COL28A1: variants seen among roughly 807,000 people sequenced by gnomAD.
COL28A1 encodes the protein collagen type XXVIII alpha 1 chain, also known as collagen alpha-1(XXVIII) chain.
A neutral mutation model predicts 150.2 loss-of-function variants in COL28A1; 161 were observed. That is an observed-to-expected ratio of 1.07 (90% CI 0.94 to 1.22). The LOEUF is 1.22. Ranked by LOEUF, COL28A1 falls within the 50% of genes most tolerant of loss-of-function variation. The pLI is 0.00. For synonymous variants in COL28A1, 552 were observed against 469.7 expected, an observed-to-expected ratio of 1.18 and a Z score of -2.26; for missense variants, 1,617 against 1,388.3, an observed-to-expected ratio of 1.16 and a Z score of -2.62.
At chr7:7,488,743 T>C (rs1470210593) in intron 13 of COL28A1, among the ~76,000 whole-genome samples, 1 of 152,194 alleles carries the variant, frequency 6.6e-6, no homozygotes, top group Non-Finnish European at 1.5e-5. Context: ...TTATTCTCAG[T>C]GATTTTTCTC....
chr7:7,419,902 CT>C lies in COL28A1; in HGVS notation c.2049del (p.Gly684GlufsTer88). 6.2e-7 allele frequency: 1 copy of C among 1,600,590 alleles called. No homozygotes were observed. Among genetic ancestry groups the C allele is most frequent in the South Asian group, 1.1e-5 (1 of 88,688 alleles). On this transcript the variant is annotated frameshift_variant, in exon 26 of 35. Transcript: ENST00000399429. LOFTEE classifies it high-confidence loss of function. ...GGACTCACCTTTGGCCCTTGGGTTC[CT>C]ACGCCCCGAGGCCCAGAAGGACCTG... Reference protein sequence around the residue: ...GPPGPSGPRGVGTQGPKGDTG... With the variant: ...GPPGPSGPRGXGTQGPKGDTG...
chr7:7,447,446 TA>T, intron 18 of COL28A1, among the ~76,000 whole-genome samples: 1 of 151,414 alleles, frequency 6.6e-6, no homozygotes, highest in Admixed American at 6.6e-5. Context: ...ATATTTAATT[TA>T]AAAATAAAAA....
chr7:7,478,217 A>C (rs1789085311), intron 13 of COL28A1, among the ~76,000 whole-genome samples: 1 of 152,156 alleles, frequency 6.6e-6, no homozygotes, highest in Non-Finnish European at 1.5e-5. Context: ...GTGTGTTTAC[A>C]AACCTTGAGC....
Position 7,444,505 on chromosome 7 carries a change from A to G in COL28A1, c.1510-16T>C. The G allele has an allele frequency of 1.2e-6, 2 of 1,612,364 alleles. No individual in the cohort carries two copies. Among genetic ancestry groups the G allele is most frequent in the Non-Finnish European group, 1.7e-6 (2 of 1,178,722 alleles). On this transcript the variant is annotated splice_polypyrimidine_tract_variant and intron_variant, in intron 18 of 34. Coordinates refer to ENST00000399429, the MANE Select transcript of COL28A1 (RefSeq NM_001037763.3). ...CTGGCTCTCCCTGGTGAATGAACAA[A>G]TATTTTATTTCCCTAAAGTTCATAC...
intron 7 of COL28A1, among the ~76,000 whole-genome samples, chr7:7,516,636 A>G (rs1208879751): frequency 6.6e-6 from 1 of 152,238 alleles, no homozygotes; most frequent in Non-Finnish European, 1.5e-5. Flanking sequence ...ATGGAAATAG[A>G]ATTGTCAGAT....
At chr7:7,519,087 A>G (rs1781569477) in intron 6 of COL28A1, among the ~76,000 whole-genome samples, 1 of 152,122 alleles carries the variant, frequency 6.6e-6, no homozygotes, top group South Asian at 2.1e-4. Context: ...GACACACCTG[A>G]GACTGGGTAG....
chr7:7,511,783 A>C, intron 8 of COL28A1: 1 of 471,144 alleles, frequency 2.1e-6, no homozygotes, highest in South Asian at 1.5e-5. Flanking sequence ...CGGGCTTGGC[A>C]GCAAGCATGC....
Position 7,389,414 on chromosome 7 carries a change from T to C in COL28A1, c.2137-7802A>G, listed in dbSNP as rs1435702353. Among the ~76,000 whole-genome samples, 3 of 152,208 alleles carry C rather than the reference T, an allele frequency of 2.0e-5. No homozygotes were observed. In the East Asian group the frequency reaches 5.8e-4, roughly 29 times the overall value. On this transcript the variant is annotated intron_variant, in intron 27 of 34. Coordinates refer to ENST00000399429, the MANE Select transcript of COL28A1 (RefSeq NM_001037763.3). ...GGTTACTGTAGCCTCATTGTATAGTTTGAAGTCAGGTAGCGTAATCCCTCC... is the reference window on the plus strand; with the variant it reads ...GGTTACTGTAGCCTCATTGTATAGTCTGAAGTCAGGTAGCGTAATCCCTCC...
chr7:7,440,824 C>T lies in COL28A1; in HGVS notation c.1688G>A (p.Gly563Glu), dbSNP rs772966658. 1 of 1,550,382 alleles carries T rather than the reference C, an allele frequency of 6.5e-7. No individual in the cohort carries two copies. Among genetic ancestry groups the T allele is most frequent in the Non-Finnish European group, 8.9e-7 (1 of 1,122,942 alleles). Residue 563 changes from glycine to glutamate, a missense_variant, in exon 21 of 35, where the codon GGA becomes GAA. Physicochemically the swap from Gly to Glu is moderately conservative, Grantham distance 98. Transcript: ENST00000399429. ...TTCGGGCCCTGGAAGTCCCCTCTGT[C>T]CTTGATTTCCTTTGCTCCCTTTCTT... Reference protein sequence around the residue: ...EGKKGSKGNQGQRGLPGPEGP... With the variant: ...EGKKGSKGNQEQRGLPGPEGP...
At chr7:7,457,037 G>A (rs1035300435) in intron 15 of COL28A1, among the ~76,000 whole-genome samples, 2 of 152,210 alleles carry the variant, frequency 1.3e-5, no homozygotes, top group African/African-American at 4.8e-5. Flanking sequence ...AAACAGCAAG[G>A]AGACAGTGCG....
intron 16 of COL28A1, among the ~76,000 whole-genome samples, chr7:7,454,486 C>G (rs888810433): frequency 6.6e-6 from 1 of 151,594 alleles, no homozygotes; most frequent in East Asian, 1.9e-4. Context: ...ACATCTACCT[C>G]GAAATTTTTT....
chr7:7,515,681 T>C, intron 8 of COL28A1, 133 bp downstream of exon 8: 1 of 687,488 alleles, frequency 1.5e-6, no homozygotes, highest in Non-Finnish European at 2.6e-6. Context: ...TATTATTTTA[T>C]GTTAACTCAG....
At chr7:7,451,303 G>A (rs1225229800) in intron 18 of COL28A1, among the ~76,000 whole-genome samples, 1 of 151,628 alleles carries the variant, frequency 6.6e-6, no homozygotes, top group Non-Finnish European at 1.5e-5. Context: ...TCAGCTCACT[G>A]CAACCTCCGC....
intron 33 of COL28A1, among the ~76,000 whole-genome samples, chr7:7,367,746 A>G (rs1161590428): frequency 6.6e-6 from 1 of 151,664 alleles, no homozygotes; most frequent in African/African-American, 2.4e-5. Flanking sequence ...ATTACGTGTC[A>G]TAACTGCCTT....
intron 8 of COL28A1, among the ~76,000 whole-genome samples, chr7:7,514,023 G>C (rs1781290877): frequency 6.6e-6 from 1 of 152,164 alleles, no homozygotes; most frequent in African/African-American, 2.4e-5. Context: ...CGATGGTTCA[G>C]GGTCACTTTG....
rs1280885109 is a variant in COL28A1 at position 7,514,069 on chromosome 7, C to A, written c.882+1745G>T. Among the ~76,000 whole-genome samples, 5 of 152,142 alleles carry A rather than the reference C, an allele frequency of 3.3e-5. No homozygotes were observed. The East Asian group carries it at 9.6e-4, about 29-fold the overall frequency. On this transcript the variant is annotated intron_variant, in intron 8 of 34. Coordinates refer to ENST00000399429, the MANE Select transcript of COL28A1 (RefSeq NM_001037763.3). ...TTGTATTTTCCAAGTGAGAACTCTT[C>A]CAGTGAATCAATAATTCTCCAGAAA...
intron 21 of COL28A1, among the ~76,000 whole-genome samples, chr7:7,438,080 C>CA (rs113945422): frequency 0.014 from 1,888 of 132,562 alleles, 22 homozygotes; most frequent in East Asian, 0.034. Flanking sequence ...ACTAAAAATA[C>CA]AAAAAAAAAA....
chr7:7,444,482 G>A lies in COL28A1; in HGVS notation c.1517C>T (p.Pro506Leu). 1 of 1,613,686 alleles carries A rather than the reference G, an allele frequency of 6.2e-7. No homozygotes were observed. The highest frequency in any genetic ancestry group is 8.5e-7 in the Non-Finnish European group (1 of 1,179,836). The change falls in exon 19 of 35, where the codon CCA becomes CTA. Residue 506 changes from proline to leucine, a missense_variant. Physicochemically the swap from Pro to Leu is moderately conservative, Grantham distance 98 (BLOSUM62 -3). Transcript: ENST00000399429. ...GIGVQGPKGE[P>L]GSIGLPGQPG... ...TTGTCCTGGGAGCCCTATTGAGCCT[G>A]GCTCTCCCTGGTGAATGAACAAATA...
intron 27 of COL28A1, among the ~76,000 whole-genome samples, chr7:7,392,462 T>C (rs1046940372): frequency 2.0e-5 from 3 of 152,314 alleles, no homozygotes; most frequent in Admixed American, 1.3e-4. Context: ...TTGGGGTTGC[T>C]CTTCTCGAGG....
Sources: gnomAD v4.1 joint callset for allele counts (sites outside exome capture counted in the v4.1 genomes callset) on GRCh38, gnomAD v4.1.1 for gene constraint, MANE v1.5 for transcripts, NCBI Gene and HGNC (gene_info 2026-07-23, HGNC 2026-07-21) for gene names.